Variants in PTBP3 observed in about 807,000 individuals in gnomAD.
PTBP3 encodes the protein polypyrimidine tract-binding protein 3.
In PTBP3, 20 loss-of-function variants were observed where a neutral mutation model predicts 58.7. The ratio of observed to expected loss-of-function variants is 0.34; its 90% CI spans 0.24 to 0.50. PTBP3 has a LOEUF of 0.50. PTBP3 is among the 20% of genes least tolerant of loss of function. PTBP3 has a pLI of 0.98. For missense variants in PTBP3, 509 were observed against 637.2 expected, an observed-to-expected ratio of 0.80 and a Z score of 2.17; for synonymous variants, 185 against 219.8, an observed-to-expected ratio of 0.84 and a Z score of 1.40.
rs185105615 is a variant in PTBP3 at position 112,318,108 on chromosome 9, G to T, written c.-52+15362C>A. Among the ~76,000 whole-genome samples, 372 of 152,076 alleles carry T rather than the reference G, an allele frequency of 2.4e-3. 2 individuals are homozygous for T. The highest frequency in any genetic ancestry group is 8.8e-3 in the African/African-American group (365 of 41,480). On this transcript the variant is annotated intron_variant, in intron 1 of 13. Coordinates refer to ENST00000374257, the MANE Select transcript of PTBP3 (RefSeq NM_001163788.4). ...AGAAATGTTTCCAACTTAAAAAAGGGCATCTAAGAAAAACCTACAGCTAAG... is the reference window on the plus strand; with the variant it reads ...AGAAATGTTTCCAACTTAAAAAAGGTCATCTAAGAAAAACCTACAGCTAAG...
intron 7 of PTBP3, among the ~76,000 whole-genome samples, chr9:112,246,253 G>C (rs1325410607): frequency 2.6e-5 from 4 of 151,932 alleles, no homozygotes; most frequent in African/African-American, 7.3e-5. Flanking sequence ...AAAGTGCAGA[G>C]ATTACAGATG....
the PTBP3 span, among the ~76,000 whole-genome samples, chr9:112,378,697 T>TA: frequency 1.3e-5 from 2 of 152,226 alleles, no homozygotes; most frequent in African/African-American, 4.8e-5. Flanking sequence ...TGGCTACTCA[T>TA]ACCTCCCATA....
intron 1 of PTBP3, among the ~76,000 whole-genome samples, chr9:112,329,409 G>A (rs1471372683): frequency 8.9e-5 from 5 of 56,484 alleles, no homozygotes; most frequent in East Asian, 3.9e-4. Flanking sequence ...GGGAGGCTCC[G>A]CCTCAAAAAA....
rs1401949327 is a variant in PTBP3, at chr9:112,253,694, T to C, written c.517-906A>G. 3.3e-5 allele frequency among the ~76,000 whole-genome samples: 5 copies of C among 152,242 alleles called. No homozygotes were observed. In the East Asian group the frequency reaches 9.6e-4, roughly 29 times the overall value. ...GATCATAGGGACAGTTTCCCCTTTGTTGTTCTCGTGATAGGGAGTTCTCAA... is the reference window on the plus strand; with the variant it reads ...GATCATAGGGACAGTTTCCCCTTTGCTGTTCTCGTGATAGGGAGTTCTCAA... On this transcript the variant is annotated intron_variant, in intron 5 of 13. Transcript: ENST00000374257.
intron 5 of PTBP3, among the ~76,000 whole-genome samples, chr9:112,254,488 T>G (rs1364791843): frequency 6.6e-6 from 1 of 152,156 alleles, no homozygotes; most frequent in African/African-American, 2.4e-5. Flanking sequence ...TATATGATAA[T>G]GGGTTAAGAT....
intron 2 of PTBP3, among the ~76,000 whole-genome samples, chr9:112,289,067 A>G (rs1406201512): frequency 1.3e-5 from 2 of 152,246 alleles, no homozygotes; most frequent in East Asian, 3.8e-4. Flanking sequence ...CTACATTCTT[A>G]GCTTCCTAAG....
At chr9:112,239,317 G>A (rs1835551326) in intron 7 of PTBP3, among the ~76,000 whole-genome samples, 1 of 152,138 alleles carries the variant, frequency 6.6e-6, no homozygotes, top group Non-Finnish European at 1.5e-5. Flanking sequence ...TTAGTAAACT[G>A]AATAGGCATC....
At position 112,223,783 on chromosome 9, in the gene PTBP3, C is replaced by G; in HGVS notation, c.*68G>C. The G allele has an allele frequency of 6.2e-7, 1 of 1,604,052 alleles. No individual in the cohort carries two copies. The highest frequency in any genetic ancestry group is 2.2e-5 in the East Asian group (1 of 44,544). ...AAGAGGCAAAATTGGTCTTGAGCTGCTTCAGTCTATGTCTGAAGGTTTTAC... is the reference window on the plus strand; with the variant it reads ...AAGAGGCAAAATTGGTCTTGAGCTGGTTCAGTCTATGTCTGAAGGTTTTAC... On this transcript the variant is annotated 3_prime_UTR_variant, in exon 14 of 14. Coordinates refer to ENST00000374257, the MANE Select transcript of PTBP3 (RefSeq NM_001163788.4).
upstream of PTBP3, among the ~76,000 whole-genome samples, chr9:112,333,940 C>T (rs1300183549): frequency 6.6e-6 from 1 of 150,770 alleles, no homozygotes; most frequent in Non-Finnish European, 1.5e-5. Context: ...GCACCCCGCC[C>T]GCCCTCCCGC....
In PTBP3 at chr9:112,231,952, GAGAAGAGAAGAGAAGAGAGA is replaced by G. The variant is rs1371738182; in HGVS notation, c.1020+127_1020+146del. On this transcript the variant is annotated intron_variant, in intron 9 of 13. Coordinates refer to ENST00000374257, the MANE Select transcript of PTBP3 (RefSeq NM_001163788.4). ...GAGAAGAGAAGAGAAGAGAAGAGAA[GAGAAGAGAAGAGAAGAGAGA>G]AGAGAAGAGAAGAGAAGAGAAGAGA... The G allele has an allele frequency of 1.4e-3, 530 of 387,950 alleles. 1 individual carries two copies. The highest frequency in any genetic ancestry group is 1.4e-3 in the Non-Finnish European group (325 of 234,672). 24.0% of individuals were successfully genotyped at this position (387,950 alleles called of 1,614,324 possible).
At chr9:112,280,000 G>C (rs769683790) in intron 2 of PTBP3, among the ~76,000 whole-genome samples, 1 of 152,088 alleles carries the variant, frequency 6.6e-6, no homozygotes, top group African/African-American at 2.4e-5. Context: ...CTACACCCTT[G>C]CTAAATTCTT....
chr9:112,238,811 A>AATTGATT (rs1400510977), intron 7 of PTBP3, among the ~76,000 whole-genome samples: 1 of 152,196 alleles, frequency 6.6e-6, no homozygotes, highest in Non-Finnish European at 1.5e-5. Context: ...ATACTCAGCA[A>AATTGATT]AAATAACTCT....
chr9:112,333,561 C>CG lies in PTBP3; in HGVS notation c.-144dup, dbSNP rs1228743280. 1 of 1,497,844 alleles carries CG rather than the reference C, an allele frequency of 6.7e-7. No homozygotes were observed. Among genetic ancestry groups the CG allele is most frequent in the Non-Finnish European group, 9.1e-7 (1 of 1,095,844 alleles). The allele number at this position is 1,497,844 out of a possible 1,614,324, so 92.8% of individuals were successfully genotyped here. A position where few individuals can be genotyped will look rare whatever the true frequency, so the allele number is the denominator to read the frequency against. On this transcript the variant is annotated 5_prime_UTR_variant, in exon 1 of 14. Coordinates refer to ENST00000374257, the MANE Select transcript of PTBP3 (RefSeq NM_001163788.4). ...GCAGGCGGCGGCAGCAGGGCGGTTC[C>CG]GGGGACAAGCGAGCTTTGGCTCTGC...
At chr9:112,326,905 A>C (rs957575470) in intron 1 of PTBP3, among the ~76,000 whole-genome samples, 3 of 152,200 alleles carry the variant, frequency 2.0e-5, no homozygotes, top group African/African-American at 4.8e-5. Context: ...TTCTTCATTT[A>C]AAAGAATTCA....
chr9:112,262,399 A>C, intron 5 of PTBP3, 36 bp downstream of exon 5: 1 of 1,494,250 alleles, frequency 6.7e-7, no homozygotes, highest in African/African-American at 1.5e-5. Flanking sequence ...GGCCATATTT[A>C]ACTTAACTTT....
intron 8 of PTBP3, 132 bp downstream of exon 8, chr9:112,234,688 A>G (rs1835374290): frequency 1.3e-6 from 1 of 755,324 alleles, no homozygotes; most frequent in Admixed American, 2.7e-5. Flanking sequence ...AAATCACTAC[A>G]CTTCTACAGC....
intron 1 of PTBP3, among the ~76,000 whole-genome samples, chr9:112,323,054 A>T (rs1830017105): frequency 6.6e-6 from 1 of 152,192 alleles, no homozygotes; most frequent in South Asian, 2.1e-4. Context: ...TCAACACCAG[A>T]CTCAGCAACA....
At chr9:112,275,663 C>T (rs1047938888) in intron 3 of PTBP3, among the ~76,000 whole-genome samples, 181 bp downstream of exon 3, 6 of 152,010 alleles carry the variant, frequency 3.9e-5, no homozygotes, top group African/African-American at 1.4e-4. Context: ...AATCCTGTTT[C>T]CTGTGTTACT....
At chr9:112,256,438 A>G (rs1836368198) in intron 5 of PTBP3, among the ~76,000 whole-genome samples, 1 of 151,818 alleles carries the variant, frequency 6.6e-6, no homozygotes, top group Non-Finnish European at 1.5e-5. Context: ...ATTAAGCACA[A>G]TTCCTGACAT....
Sources: gnomAD v4.1 joint callset for allele counts (sites outside exome capture counted in the v4.1 genomes callset) on GRCh38, gnomAD v4.1.1 for gene constraint, MANE v1.5 for transcripts, NCBI Gene and HGNC (gene_info 2026-07-23, HGNC 2026-07-21) for gene names.